CENPT: variants seen among roughly 807,000 people sequenced by gnomAD.
CENPT encodes interphase centromere complex protein 22.
Under a neutral mutation model 59.7 loss-of-function variants are expected in CENPT, and 42 were observed. The observed-to-expected ratio is 0.70, with a 90% CI of 0.55 to 0.91. The LOEUF is 0.91. CENPT is among the 40% of genes least tolerant of loss of function. The pLI is 0.00. For missense variants in CENPT, 716 were observed against 713.4 expected (o/e 1.00, Z -0.04); for synonymous variants, 295 against 289.6 (o/e 1.02, Z -0.19).
Position 67,832,571 on chromosome 16 carries a change from G to A in CENPT, c.111-26C>T, listed in dbSNP as rs59621562. Reference sequence around the variant, plus strand: ...CTGTGTAAAGACCAGCAATTATGCCGAGAATTACGGTGAGGAGGGATAGAG... The same window carrying A: ...CTGTGTAAAGACCAGCAATTATGCCAAGAATTACGGTGAGGAGGGATAGAG... On this transcript the variant is annotated intron_variant, in intron 4 of 15. Coordinates refer to ENST00000562787, the MANE Select transcript of CENPT (RefSeq NM_025082.4). The A allele has an allele frequency of 1.0e-3, 1,631 of 1,584,842 alleles. 14 individuals are homozygous for A. The African/African-American group carries it at 0.018, about 18-fold the overall frequency.
chr16:67,831,348 G>C lies in CENPT; in HGVS notation c.571C>G (p.Leu191Val), dbSNP rs1160931116. Residue 191 changes from leucine (L) to valine (V), a missense_variant, in exon 10 of 16, where the codon CTG becomes GTG. By Grantham distance (32) the Leu-to-Val change is conservative. Coordinates refer to ENST00000562787, the MANE Select transcript of CENPT (RefSeq NM_025082.4). ...DASSLTRSLN[L>V]TFATPLQPQS... ...GGCTGAAGAGGTGTGGCAAAGGTCA[G>C]GTTGAGGGATCTGGTGAGGTGGGGA... 1 of 1,613,632 alleles carries C rather than the reference G, an allele frequency of 6.2e-7. No individual in the cohort carries two copies. The highest frequency in any genetic ancestry group is 8.5e-7 in the Non-Finnish European group (1 of 1,179,712).
intron 10 of CENPT, 88 bp from the exon 11 acceptor site, chr16:67,830,636 G>A: frequency 7.1e-7 from 1 of 1,402,958 alleles, no homozygotes; most frequent in Non-Finnish European, 9.9e-7. Context: ...CCCACCGGCT[G>A]CTACTCAGCG....
intron 5 of CENPT, 44 bp downstream of exon 5, chr16:67,832,411 C>A: frequency 1.2e-6 from 2 of 1,610,602 alleles, no homozygotes; most frequent in Non-Finnish European, 1.7e-6. Flanking sequence ...CCCCCCTCCC[C>A]GAGGCAGCCA....
Position 67,831,828 on chromosome 16 carries a change from G to A in CENPT, c.449C>T (p.Pro150Leu), listed in dbSNP as rs1228644374. Reference sequence around the variant, plus strand: ...TCTCAGCCTCTGTTTCCTCCTGCCAGGGGCCAGCAGACCTGGAGCCAGGGT... The same window carrying A: ...TCTCAGCCTCTGTTTCCTCCTGCCAAGGGCCAGCAGACCTGGAGCCAGGGT... ...PTTLAPGLLA[P>L]GRRKQRLRLS... The change falls in exon 8 of 16, where the codon CCT (proline) becomes CTT (leucine). Residue 150 changes from proline to leucine, a missense_variant. Pro to Leu is a moderately conservative substitution (Grantham distance 98). Coordinates refer to ENST00000562787, the MANE Select transcript of CENPT (RefSeq NM_025082.4). 1.2e-6 allele frequency: 2 copies of A among 1,607,080 alleles called. No homozygotes were observed. Among genetic ancestry groups the A allele is most frequent in the East Asian group, 2.2e-5 (1 of 44,842 alleles).
At position 67,843,160 on chromosome 16, in the gene CENPT, AGCCGCTGCG is replaced by A. The variant is rs1162484466; in HGVS notation, c.-492+4232_-492+4240del. ...TGGAGTTTGCAGCCGCAGAGGGCGC[AGCCGCTGCG>A]GCCGCCGCGTCGGAGTTACAGGCTG... is the stretch of plus-strand genomic sequence containing the variant. On this transcript the variant is annotated intron_variant, in intron 1 of 15. Transcript: ENST00000562787. The surrounding 1 kb of genome is among the most constrained non-coding windows in gnomAD (Gnocchi z 5.7). The A allele has an allele frequency of 4.3e-6, 7 of 1,609,514 alleles. No homozygotes were observed. In the Admixed American group the frequency reaches 1.2e-4, roughly 27 times the overall value.
At position 67,842,818 on chromosome 16, in the gene CENPT, C is replaced by T; in HGVS notation, c.-492+4583G>A. 1 of 1,610,470 alleles carries T rather than the reference C, an allele frequency of 6.2e-7. No individual in the cohort carries two copies. The highest frequency in any genetic ancestry group is 8.5e-7 in the Non-Finnish European group (1 of 1,179,300). ...TCCCGCTGCGCGGCGTCAATGAGCGCAAAGTAGCGCGCAGACCCGCTGGGG... is the reference window on the plus strand; with the variant it reads ...TCCCGCTGCGCGGCGTCAATGAGCGTAAAGTAGCGCGCAGACCCGCTGGGG... On this transcript the variant is annotated intron_variant, in intron 1 of 15. Coordinates refer to ENST00000562787, the MANE Select transcript of CENPT (RefSeq NM_025082.4). This position sits in a 1 kb window ranked among gnomAD's most constrained non-coding sequence, Gnocchi z 4.9.
chr16:67,841,479 C>T (rs977841802), intron 1 of CENPT: 1 of 152,244 alleles, frequency 6.6e-6, no homozygotes, highest in Admixed American at 6.5e-5. Flanking sequence ...CTTCTCCCTA[C>T]CCAAGCTTTC....
chr16:67,843,510 CG>C lies in CENPT; in HGVS notation c.-492+3890del, dbSNP rs1271694283. On this transcript the variant is annotated intron_variant, in intron 1 of 15. Transcript: ENST00000562787. This position sits in a 1 kb window ranked among gnomAD's most constrained non-coding sequence, Gnocchi z 5.7. ...AAGCACGGAATGTGAACTGGTGCCC[CG>C]GCAGCCTGCTGGACTCCCAGACCCC... 6.3e-7 allele frequency: 1 copy of C among 1,596,046 alleles called. No individual in the cohort carries two copies. Among genetic ancestry groups the C allele is most frequent in the Non-Finnish European group, 8.5e-7 (1 of 1,170,476 alleles).
chr16:67,843,220 G>T lies in CENPT; in HGVS notation c.-492+4181C>A. The stretch of plus-strand genomic sequence containing the variant: ...CTACCGCAGGGCTGGAGGCTGCCGA[G>T]TGCCCTATGGGCCCCCAGTTGGTGG... On this transcript the variant is annotated intron_variant, in intron 1 of 15. Coordinates refer to ENST00000562787, the MANE Select transcript of CENPT (RefSeq NM_025082.4). This position sits in a 1 kb window ranked among gnomAD's most constrained non-coding sequence, Gnocchi z 5.7. The T allele has an allele frequency of 6.2e-7, 1 of 1,611,842 alleles. No homozygotes were observed. Among genetic ancestry groups the T allele is most frequent in the Non-Finnish European group, 8.5e-7 (1 of 1,179,518 alleles).
chr16:67,843,579 C>A lies in CENPT; in HGVS notation c.-492+3822G>T. ...CAGGCCATTGTTGAACTCCTCTATA[C>A]TCCTGGGCACTGGTTGACAGTACTG... On this transcript the variant is annotated intron_variant, in intron 1 of 15. Coordinates refer to ENST00000562787, the MANE Select transcript of CENPT (RefSeq NM_025082.4). The surrounding 1 kb of genome is among the most constrained non-coding windows in gnomAD (Gnocchi z 5.7). 3 of 1,395,042 alleles carry A rather than the reference C, an allele frequency of 2.2e-6. No individual in the cohort carries two copies. Among genetic ancestry groups the A allele is most frequent in the Non-Finnish European group, 1.9e-6 (2 of 1,026,540 alleles). The allele number at this position is 1,395,042 out of a possible 1,614,324, so 86.4% of individuals were successfully genotyped here.
At position 67,828,660 on chromosome 16, in the gene CENPT, G is replaced by A; in HGVS notation, c.1457+7C>T. Reference sequence around the variant, plus strand: ...TCCTCTCCCTACCCCATGTGCCCAGGACTCACCACTTCTCCACCATCTCAA... The same window carrying A: ...TCCTCTCCCTACCCCATGTGCCCAGAACTCACCACTTCTCCACCATCTCAA... On this transcript the variant is annotated splice_region_variant and intron_variant, in intron 14 of 15. Coordinates refer to ENST00000562787, the MANE Select transcript of CENPT (RefSeq NM_025082.4). 6.2e-7 allele frequency: 1 copy of A among 1,614,140 alleles called. No individual in the cohort carries two copies.
In CENPT at chr16:67,831,758, G is replaced by A. The variant is rs2057691364; in HGVS notation, c.519C>T (p.Ser173=). ...QQGVDQGLSL[S]QEPQGNADAS... Reference sequence around the variant, plus strand: ...AAGTGGTGTCCAGGGCCTCACCTTGGGAGAGAGACAGCCCCTGGTCCACTC... The same window carrying A: ...AAGTGGTGTCCAGGGCCTCACCTTGAGAGAGAGACAGCCCCTGGTCCACTC... The change falls in exon 8 of 16, where the codon TCC becomes TCT. Residue 173 remains serine (S), a synonymous_variant. Transcript: ENST00000562787. The A allele has an allele frequency of 6.3e-7, 1 of 1,580,076 alleles. No individual in the cohort carries two copies.
intron 1 of CENPT, chr16:67,846,927 T>G (rs2057804498): frequency 6.6e-6 from 1 of 152,334 alleles, no homozygotes; most frequent in African/African-American, 2.4e-5. Flanking sequence ...GAAGGGACAG[T>G]CGGCCGCAGA....
rs1477855431 is a variant in CENPT, at chr16:67,842,908, G to A, written c.-492+4493C>T. The A allele has an allele frequency of 1.3e-6, 2 of 1,572,560 alleles. No homozygotes were observed. The highest frequency in any genetic ancestry group is 1.7e-5 in the Admixed American group (1 of 58,368). On this transcript the variant is annotated intron_variant, in intron 1 of 15. Transcript: ENST00000562787. This position sits in a 1 kb window ranked among gnomAD's most constrained non-coding sequence, Gnocchi z 4.9. ...AGCAGCAGCAACAGCAGCAACAGCAGCAGCAGCAGCAACAGCAGCAGCAGC... is the reference window on the plus strand; with the variant it reads ...AGCAGCAGCAACAGCAGCAACAGCAACAGCAGCAGCAACAGCAGCAGCAGC...
rs1401071558 is a variant in CENPT at position 67,829,745 on chromosome 16, C to G, written c.1186+20G>C. On this transcript the variant is annotated intron_variant, in intron 12 of 15. Coordinates refer to ENST00000562787, the MANE Select transcript of CENPT (RefSeq NM_025082.4). The stretch of plus-strand genomic sequence containing the variant: ...CTGAACACAGCTGTCACCAGTCACT[C>G]CCTGCACTGGGCCTCTTACCTGCCC... 6.2e-7 allele frequency: 1 copy of G among 1,609,726 alleles called. No homozygotes were observed. The highest frequency in any genetic ancestry group is 2.2e-5 in the East Asian group (1 of 44,852).
rs921981716 is a variant in CENPT, at chr16:67,847,523, C to T, written c.-614G>A. On this transcript the variant is annotated 5_prime_UTR_variant, in exon 1 of 16. Transcript: ENST00000562787. ...ACCCTGTTCCCGACCATAGCCCGGC[C>T]GGGGTGTAGGTGAACGCCCCCTCCT... The T allele has an allele frequency of 1.3e-5, 2 of 152,370 alleles. No individual in the cohort carries two copies. The highest frequency in any genetic ancestry group is 4.8e-5 in the African/African-American group (2 of 41,488). 9.4% of individuals were successfully genotyped at this position (152,370 alleles called of 1,614,324 possible). A position where few individuals can be genotyped will look rare whatever the true frequency, so the allele number is the denominator to read the frequency against.
intron 10 of CENPT, chr16:67,830,889 C>A (rs2057680809): frequency 9.8e-6 from 5 of 508,832 alleles, no homozygotes; most frequent in Non-Finnish European, 1.1e-5. Flanking sequence ...AACTTGTTTT[C>A]TGCAATCAGG....
chr16:67,841,403 T>C (rs2057760361), intron 1 of CENPT, among the ~76,000 whole-genome samples: 1 of 152,140 alleles, frequency 6.6e-6, no homozygotes. Context: ...GGCTCTTTAA[T>C]GGCGGAGCCT....
chr16:67,829,923 C>T lies in CENPT; in HGVS notation c.1028G>A (p.Ser343Asn), dbSNP rs915711899. ...TCCTGTTGCCTCCATTTCACTCACA[C>T]TCACACCTTCTTCTTCCATCTTTTT... ...AEKKMEEEGV[S>N]VSEMEATGAQ... The change falls in exon 12 of 16, where the codon AGT (serine) becomes AAT (asparagine). Residue 343 changes from serine (S) to asparagine (N), a missense_variant. Coordinates refer to ENST00000562787, the MANE Select transcript of CENPT (RefSeq NM_025082.4). 31 of 1,614,272 alleles carry T rather than the reference C, an allele frequency of 1.9e-5. No homozygotes were observed. Among genetic ancestry groups the T allele is most frequent in the Non-Finnish European group, 2.5e-5 (30 of 1,180,050 alleles).
Sources: allele counts gnomAD v4.1 joint callset (sites outside exome capture counted in the v4.1 genomes callset), GRCh38; gene constraint gnomAD v4.1.1; non-coding constraint Gnocchi (gnomAD v3.1); transcripts MANE v1.5; gene names NCBI Gene and HGNC (gene_info 2026-07-23, HGNC 2026-07-21).